Variants in FBXL4 observed in about 807,000 individuals in gnomAD.
FBXL4 encodes the protein F-box/LRR-repeat protein 4.
A neutral mutation model predicts 58.9 loss-of-function variants in FBXL4; 40 were observed. The ratio of observed to expected loss-of-function variants is 0.68; its 90% confidence interval spans 0.53 to 0.88. The LOEUF (loss-of-function observed/expected upper bound fraction) is 0.88. Ranked by LOEUF, FBXL4 falls within the 40% of genes least tolerant of loss-of-function variation. The pLI is 0.00. For synonymous variants in FBXL4, 263 were observed against 265.5 expected (o/e 0.99, Z 0.09); for missense variants, 676 against 734.4 (o/e 0.92, Z 0.92).
At chr6:98,930,877 T>G (rs1772986878) in intron 2 of FBXL4, among the ~76,000 whole-genome samples, 1 of 152,190 alleles carries the variant, frequency 6.6e-6, no homozygotes, top group South Asian at 2.1e-4. Flanking sequence ...AGAACCATTT[T>G]CCAAAGAAGT....
Position 98,870,714 on chromosome 6 carries a change from G to T in FBXL4, c.*3564C>A, listed in dbSNP as rs1039968229. ...ACATTTTTAAGGCACATTAGTATAT[G>T]AATTTTTAAAAATCAGATTAGATGT... On this transcript the variant is annotated 3_prime_UTR_variant, in exon 10 of 10. Transcript: ENST00000369244. 1.3e-5 allele frequency: 2 copies of T among 152,136 alleles called. No homozygotes were observed. Among genetic ancestry groups the T allele is most frequent in the African/African-American group, 4.8e-5 (2 of 41,440 alleles). 9.4% of individuals were successfully genotyped at this position (152,136 alleles called of 1,614,324 possible).
chr6:98,880,656 T>G, intron 7 of FBXL4, 32 bp from the exon 8 acceptor site: 1 of 1,581,662 alleles, frequency 6.3e-7, no homozygotes, highest in South Asian at 1.1e-5. Flanking sequence ...GAGGCAAATA[T>G]GGAAAGTGAA....
intron 7 of FBXL4, among the ~76,000 whole-genome samples, chr6:98,888,970 A>C (rs1296183167): frequency 6.6e-6 from 1 of 152,250 alleles, no homozygotes; most frequent in Non-Finnish European, 1.5e-5. Flanking sequence ...TTCGCCACAC[A>C]TAAGAAGCAT....
Position 98,871,218 on chromosome 6 carries a change from A to T in FBXL4, c.*3060T>A, listed in dbSNP as rs1160589615. The T allele has an allele frequency of 6.6e-6, 1 of 152,240 alleles. No individual in the cohort carries two copies. The highest frequency in any genetic ancestry group is 1.5e-5 in the Non-Finnish European group (1 of 68,042). The allele number at this position is 152,240 out of a possible 1,614,324, so 9.4% of individuals were successfully genotyped here. On this transcript the variant is annotated 3_prime_UTR_variant, in exon 10 of 10. Transcript: ENST00000369244. ...TTCTATCGGCTGAAGGACTGTGTCC[A>T]AAGTAAACTTAAGACTATTAAATTA...
At chr6:98,905,837 G>A (rs1364673888) in intron 5 of FBXL4, among the ~76,000 whole-genome samples, 167 bp from the exon 6 acceptor site, 2 of 152,052 alleles carry the variant, frequency 1.3e-5, no homozygotes, top group Non-Finnish European at 2.9e-5. Context: ...GAAATCATAC[G>A]TGCATTTGAC....
Position 98,875,568 on chromosome 6 carries a change from T to C in FBXL4, c.1549A>G (p.Thr517Ala), listed in dbSNP as rs763702280. 3 of 1,614,106 alleles carry C rather than the reference T, an allele frequency of 1.9e-6. No individual in the cohort carries two copies. The highest frequency in any genetic ancestry group is 1.7e-6 in the Non-Finnish European group (2 of 1,180,004). ...LEELDLGWCP[T>A]LQSSTGCFTR... is the part of the protein sequence containing the mutation. ...AAGCACCCGGTGCTGCTCTGCAGAG[T>C]TGGGCACCAGCCAAGGTCAAGCTCC... The change falls in exon 9 of 10, where the codon ACT (threonine) becomes GCT (alanine). Residue 517 changes from threonine (T) to alanine (A), a missense_variant. Physicochemically the swap from Thr to Ala is moderately conservative, Grantham distance 58 (BLOSUM62 0). Coordinates refer to ENST00000369244, the MANE Select transcript of FBXL4 (RefSeq NM_001278716.2).
chr6:98,915,420 T>C (rs1238215657), intron 5 of FBXL4, among the ~76,000 whole-genome samples: 5 of 152,096 alleles, frequency 3.3e-5, no homozygotes, highest in Non-Finnish European at 4.4e-5. Flanking sequence ...CTTCAAACTA[T>C]ACTACAAGGC....
In FBXL4 at chr6:98,917,554, A is replaced by G; in HGVS notation, c.678T>C (p.His226=). 2 of 1,614,032 alleles carry G rather than the reference A, an allele frequency of 1.2e-6. No homozygotes were observed. The highest frequency in any genetic ancestry group is 1.7e-6 in the Non-Finnish European group (2 of 1,179,914). ...AAAGCACTGGCTTGTCCTTCACACC[A>G]TGTAGCACAACTGCATCTAATTCAG... ...YYTELDAVVL[H]GVKDKPVLSL... The change falls in exon 5 of 10, where the codon CAT becomes CAC. Residue 226 remains histidine, a synonymous_variant. Transcript: ENST00000369244.
chr6:98,937,802 G>T (rs1224406941), intron 1 of FBXL4, among the ~76,000 whole-genome samples: 1 of 152,178 alleles, frequency 6.6e-6, no homozygotes, highest in Non-Finnish European at 1.5e-5. Flanking sequence ...AAGGGTCCAT[G>T]TTGTAAAAGA....
Position 98,871,890 on chromosome 6 carries a change from G to T in FBXL4, c.*2388C>A, listed in dbSNP as rs1198216442. On this transcript the variant is annotated 3_prime_UTR_variant, in exon 10 of 10. Coordinates refer to ENST00000369244, the MANE Select transcript of FBXL4 (RefSeq NM_001278716.2). ...ATATTGACATTTTTCTGAAAAAGAA[G>T]ACATGTCCTCAATCACTATTATGGA... The T allele has an allele frequency of 6.6e-6, 1 of 152,192 alleles. No individual in the cohort carries two copies. Among genetic ancestry groups the T allele is most frequent in the Non-Finnish European group, 1.5e-5 (1 of 68,030 alleles). 9.4% of individuals were successfully genotyped at this position (152,192 alleles called of 1,614,324 possible).
intron 1 of FBXL4, among the ~76,000 whole-genome samples, chr6:98,939,657 T>C (rs1773358425): frequency 6.6e-6 from 1 of 152,232 alleles, no homozygotes; most frequent in South Asian, 2.1e-4. Flanking sequence ...TAATCTATGG[T>C]ACATAACAAG....
At chr6:98,892,626 C>T (rs1490887829) in intron 7 of FBXL4, among the ~76,000 whole-genome samples, 1 of 152,178 alleles carries the variant, frequency 6.6e-6, no homozygotes, top group Non-Finnish European at 1.5e-5. Flanking sequence ...GTAGAAAGCC[C>T]AGCTGCTTTC....
chr6:98,934,650 T>C (rs1037171133), intron 2 of FBXL4, 112 bp downstream of exon 2: 2 of 152,232 alleles, frequency 1.3e-5, no homozygotes, highest in African/African-American at 4.8e-5. Flanking sequence ...TAAGGCTTTA[T>C]ATGCCTCTCT....
intron 5 of FBXL4, among the ~76,000 whole-genome samples, chr6:98,914,723 G>A (rs547451000): frequency 9.6e-4 from 146 of 152,276 alleles, no homozygotes; most frequent in African/African-American, 2.9e-3. Flanking sequence ...TACTGAATGC[G>A]CAAAAACTGG....
At chr6:98,898,510 C>T (rs1439124022) in intron 7 of FBXL4, 1 of 918,226 alleles carries the variant, frequency 1.1e-6, no homozygotes, top group East Asian at 1.2e-4. Flanking sequence ...GAGGCTGAGG[C>T]AGGAGAATCG....
intron 1 of FBXL4, among the ~76,000 whole-genome samples, chr6:98,936,762 A>C (rs544788904): frequency 9.0e-4 from 137 of 152,312 alleles, no homozygotes; most frequent in African/African-American, 3.2e-3. Context: ...AGTGGTAGTT[A>C]AGCTTATGGG....
chr6:98,892,731 T>C (rs1169486326), intron 7 of FBXL4, among the ~76,000 whole-genome samples: 1 of 152,218 alleles, frequency 6.6e-6, no homozygotes, highest in East Asian at 1.9e-4. Flanking sequence ...GTTAATATCC[T>C]ACAGAAGTAA....
At chr6:98,928,560 C>A (rs937923102) in intron 2 of FBXL4, among the ~76,000 whole-genome samples, 2 of 152,102 alleles carry the variant, frequency 1.3e-5, no homozygotes, top group African/African-American at 4.8e-5. Context: ...GAACTCCTGA[C>A]CTCAGGTGAT....
chr6:98,915,023 T>C (rs1255924463), intron 5 of FBXL4, among the ~76,000 whole-genome samples: 2 of 152,000 alleles, frequency 1.3e-5, no homozygotes, highest in Non-Finnish European at 2.9e-5. Context: ...TATACACCAA[T>C]AACAGACAAA....
Sources: allele counts gnomAD v4.1 joint callset (sites outside exome capture counted in the v4.1 genomes callset), GRCh38; gene constraint gnomAD v4.1.1; transcripts MANE v1.5; gene names NCBI Gene and HGNC (gene_info 2026-07-23, HGNC 2026-07-21).